The following NGEF variants were observed in gnomAD, a reference collection of about 807,000 sequenced individuals.
NGEF encodes ephexin-1.
A neutral mutation model predicts 80.9 loss-of-function variants in NGEF; 31 were observed. That is an observed-to-expected ratio of 0.38 (90% CI 0.29 to 0.52). The LOEUF is 0.52. NGEF is among the 20% of genes least tolerant of loss of function. The probability of loss-of-function intolerance (pLI) is 0.84; values close to 1 mark genes in which losing one functional copy is unlikely to be tolerated. For synonymous variants in NGEF, 371 were observed against 370.2 expected (o/e 1.00, Z -0.03); for missense variants, 709 against 926.2 (o/e 0.77, Z 3.04).
intron 5 of NGEF, among the ~76,000 whole-genome samples, chr2:232,895,385 G>T (rs2106235870): frequency 6.6e-6 from 1 of 152,102 alleles, no homozygotes; most frequent in South Asian, 2.1e-4. Context: ...AACTTAGCTG[G>T]GTGTGGTAGC....
intron 1 of NGEF, among the ~76,000 whole-genome samples, chr2:232,999,947 T>C (rs140623106): frequency 5.3e-4 from 80 of 152,360 alleles, no homozygotes; most frequent in Non-Finnish European, 9.1e-4. Flanking sequence ...CTAATATTGG[T>C]GTCTTAGTCT....
intron 3 of NGEF, among the ~76,000 whole-genome samples, chr2:232,953,043 C>G (rs1212775399): frequency 1.3e-5 from 2 of 148,794 alleles, no homozygotes; most frequent in East Asian, 2.0e-4. Flanking sequence ...GTGGCTCACG[C>G]CTGTAATCCC....
chr2:233,009,636 A>AC (rs1695160698), intron 1 of NGEF, among the ~76,000 whole-genome samples: 2 of 110,682 alleles, frequency 1.8e-5, no homozygotes, highest in African/African-American at 6.6e-5. Context: ...CCATCTCTAC[A>AC]GAAAAAAAAA....
intron 5 of NGEF, among the ~76,000 whole-genome samples, chr2:232,906,773 G>C (rs949317342): frequency 6.6e-6 from 1 of 151,472 alleles, no homozygotes; most frequent in Non-Finnish European, 1.5e-5. Flanking sequence ...TGAGAAATCG[G>C]ATGGTTGCGG....
rs977270624 is a variant in NGEF at position 232,979,909 on chromosome 2, C to T, written c.-74-4945G>A. On this transcript the variant is annotated intron_variant, in intron 1 of 14. Transcript: ENST00000264051. Reference sequence around the variant, plus strand: ...CGGATGAGTTACCTTAGCCAAGCCTCGCAACTTCCGCATGAGTCAATGTGA... The same window carrying T: ...CGGATGAGTTACCTTAGCCAAGCCTTGCAACTTCCGCATGAGTCAATGTGA... Among the ~76,000 whole-genome samples, 131 of 151,716 alleles carry T rather than the reference C, an allele frequency of 8.6e-4. 2 individuals are homozygous for T. The highest frequency in any genetic ancestry group is 3.7e-4 in the Non-Finnish European group (25 of 67,938).
At chr2:232,945,905 GA>G (rs913023513) in intron 3 of NGEF, among the ~76,000 whole-genome samples, 18 of 151,352 alleles carry the variant, frequency 1.2e-4, no homozygotes, top group African/African-American at 3.6e-4. Context: ...CAACATGTAC[GA>G]AAAAAAATAC....
chr2:232,955,712 T>C (rs1287380456), intron 3 of NGEF, among the ~76,000 whole-genome samples: 1 of 148,450 alleles, frequency 6.7e-6, no homozygotes, highest in Non-Finnish European at 1.5e-5. Context: ...AGAGACGGGG[T>C]TTCACCATGT....
chr2:232,898,424 C>T (rs1692166272), intron 5 of NGEF, among the ~76,000 whole-genome samples: 1 of 152,200 alleles, frequency 6.6e-6, no homozygotes, highest in Admixed American at 6.6e-5. Flanking sequence ...GCCTGAATCC[C>T]TGCTAATCGG....
intron 1 of NGEF, among the ~76,000 whole-genome samples, chr2:232,998,056 A>G (rs567285583): frequency 7.2e-5 from 11 of 152,330 alleles, no homozygotes; most frequent in African/African-American, 2.6e-4. Context: ...GAAGAGCAGC[A>G]GGGACCCAGG....
chr2:232,884,445 C>T (rs1022057000), intron 10 of NGEF, among the ~76,000 whole-genome samples: 2 of 152,176 alleles, frequency 1.3e-5, no homozygotes, highest in African/African-American at 4.8e-5. Context: ...GTTATGTGCA[C>T]GTGCTTGTGT....
intron 1 of NGEF, among the ~76,000 whole-genome samples, chr2:232,997,466 A>C (rs1014452406): frequency 6.6e-6 from 1 of 152,122 alleles, no homozygotes; most frequent in Admixed American, 6.5e-5. Flanking sequence ...TGAAGCTGGC[A>C]TCCAAGCCAG....
rs1355479880 is a variant in NGEF at position 232,884,010 on chromosome 2, G to A, written c.1572C>T (p.Asp524=). Residue 524 remains aspartate, a synonymous_variant, in exon 11 of 15, where the codon GAC becomes GAT. Coordinates refer to ENST00000264051, the MANE Select transcript of NGEF (RefSeq NM_019850.3). ...GAATCTGCCGGCAGATCACCAGCAG[G>A]TCGTTGAACAGGAAGAGGTAAATTT... ...FHEIYLFLFN[D]LLVICRQIPG... The A allele has an allele frequency of 3.7e-6, 6 of 1,612,048 alleles. No homozygotes were observed. The highest frequency in any genetic ancestry group is 1.7e-6 in the Non-Finnish European group (2 of 1,179,332).
intron 3 of NGEF, among the ~76,000 whole-genome samples, chr2:232,938,931 A>T (rs1221901992): frequency 1.3e-5 from 2 of 152,024 alleles, no homozygotes; most frequent in African/African-American, 4.8e-5. Flanking sequence ...CTGTAATCCC[A>T]GCACTTTGGG....
intron 3 of NGEF, chr2:232,969,944 C>G (rs944618122): frequency 4.9e-6 from 1 of 203,242 alleles, no homozygotes; most frequent in African/African-American, 2.3e-5. Flanking sequence ...GCTGGAGAAT[C>G]GTTAGAGCCC....
chr2:232,988,876 G>A (rs1042034945), intron 1 of NGEF, among the ~76,000 whole-genome samples: 1 of 152,118 alleles, frequency 6.6e-6, no homozygotes, highest in Non-Finnish European at 1.5e-5. Flanking sequence ...AAAGGATGCT[G>A]GGAAAAATCC....
At chr2:232,964,402 A>G (rs1270604537) in intron 3 of NGEF, among the ~76,000 whole-genome samples, 1 of 152,214 alleles carries the variant, frequency 6.6e-6, no homozygotes, top group Non-Finnish European at 1.5e-5. Context: ...AATAAAAAAG[A>G]ATAATTTGGG....
chr2:232,985,838 C>A (rs1027928541), intron 1 of NGEF, among the ~76,000 whole-genome samples: 1 of 151,648 alleles, frequency 6.6e-6, no homozygotes, highest in Non-Finnish European at 1.5e-5. Context: ...ACTTGGGAGG[C>A]TGAGGCAGGA....
intron 1 of NGEF, among the ~76,000 whole-genome samples, chr2:233,011,603 A>G (rs1475703557): frequency 1.5e-5 from 2 of 131,470 alleles, no homozygotes; most frequent in African/African-American, 5.4e-5. Flanking sequence ...AAAAAAAAAA[A>G]AGGAACAGAG....
chr2:232,885,845 G>A (rs188692723), intron 9 of NGEF, among the ~76,000 whole-genome samples: 18 of 152,336 alleles, frequency 1.2e-4, no homozygotes, highest in African/African-American at 4.1e-4. Context: ...GGCTCTCAGG[G>A]CACATAAATG....
Sources: allele counts gnomAD v4.1 joint callset (sites outside exome capture counted in the v4.1 genomes callset), GRCh38; gene constraint gnomAD v4.1.1; transcripts MANE v1.5; gene names NCBI Gene and HGNC (gene_info 2026-07-23, HGNC 2026-07-21).